KCNJ3: variants seen among roughly 807,000 people sequenced by gnomAD.
KCNJ3 encodes the protein G protein-activated inward rectifier potassium channel 1.
KCNJ3 carries 4 observed loss-of-function variants against 39.2 expected under a neutral mutation model. The observed-to-expected ratio is 0.10, with a 90% CI of 0.05 to 0.23. The LOEUF is 0.23. Among genes scored for constraint, KCNJ3 ranks in the 10% least tolerant of loss-of-function variants. The pLI is 1.00. For missense variants in KCNJ3, 276 were observed against 634.9 expected (o/e 0.43, Z 6.08); for synonymous variants, 230 against 237.4 (o/e 0.97, Z 0.29).
In KCNJ3 at chr2:154,840,163, A is replaced by T. The variant is rs576531799; in HGVS notation, c.920-14564A>T. ...TTCAGCTTTCTACATATGGCTAGCC[A>T]GTTTTCCCAGCACCATTTATTAAAT... On this transcript the variant is annotated intron_variant, in intron 2 of 2. Transcript: ENST00000295101. Among the ~76,000 whole-genome samples, 5 of 152,322 alleles carry T rather than the reference A, an allele frequency of 3.3e-5. No individual in the cohort carries two copies. The South Asian group carries it at 1.0e-3, about 32-fold the overall frequency.
chr2:154,732,358 T>C (rs1685461073), intron 2 of KCNJ3, among the ~76,000 whole-genome samples: 1 of 152,158 alleles, frequency 6.6e-6, no homozygotes, highest in South Asian at 2.1e-4. Flanking sequence ...TTATTTACTT[T>C]ACTTCATGAC....
intron 2 of KCNJ3, among the ~76,000 whole-genome samples, chr2:154,762,678 A>G (rs1686065146): frequency 7.5e-6 from 1 of 132,896 alleles, no homozygotes; most frequent in Admixed American, 7.4e-5. Context: ...TAATTCTCAA[A>G]TTATATACAA....
intron 2 of KCNJ3, among the ~76,000 whole-genome samples, chr2:154,737,209 A>T (rs1248281369): frequency 6.6e-6 from 1 of 152,180 alleles, no homozygotes; most frequent in African/African-American, 2.4e-5. Flanking sequence ...TAATTTTGGG[A>T]CGTTGTGTAG....
At chr2:154,812,152 C>T (rs1339342036) in intron 2 of KCNJ3, among the ~76,000 whole-genome samples, 2 of 152,060 alleles carry the variant, frequency 1.3e-5, no homozygotes, top group Non-Finnish European at 2.9e-5. Context: ...TTATGTATTC[C>T]TTTGATAAAT....
chr2:154,732,496 G>C (rs186383977), intron 2 of KCNJ3, among the ~76,000 whole-genome samples: 9 of 152,116 alleles, frequency 5.9e-5, no homozygotes, highest in Admixed American at 2.0e-4. Flanking sequence ...GACTCAAAAG[G>C]CTTGTGACTT....
At chr2:154,824,100 C>T (rs766863896) in intron 2 of KCNJ3, among the ~76,000 whole-genome samples, 4 of 151,996 alleles carry the variant, frequency 2.6e-5, no homozygotes, top group Non-Finnish European at 4.4e-5. Context: ...TTTGGAAGGC[C>T]GAGGTGGATG....
intron 2 of KCNJ3, among the ~76,000 whole-genome samples, chr2:154,750,673 G>A (rs16838085): frequency 0.025 from 3,869 of 151,798 alleles, 68 homozygotes; most frequent in Non-Finnish European, 0.037. Flanking sequence ...TTTTTTCACC[G>A]TCCAGAACTA....
At chr2:154,738,842 T>G (rs1685594132) in intron 2 of KCNJ3, among the ~76,000 whole-genome samples, 2 of 151,772 alleles carry the variant, frequency 1.3e-5, no homozygotes, top group South Asian at 4.1e-4. Context: ...AAAATTGAAA[T>G]AATCACCAAA....
chr2:154,760,830 G>A (rs1384754179), intron 2 of KCNJ3, among the ~76,000 whole-genome samples: 14 of 143,374 alleles, frequency 9.8e-5, no homozygotes, highest in African/African-American at 1.6e-4. Flanking sequence ...TCCGCCTCCC[G>A]GGTTCATGCC....
chr2:154,724,274 T>A (rs376704383), intron 2 of KCNJ3, among the ~76,000 whole-genome samples: 1 of 152,082 alleles, frequency 6.6e-6, no homozygotes, highest in East Asian at 1.9e-4. Context: ...TGTGTGTGCA[T>A]CCTGGCTTCT....
intron 2 of KCNJ3, among the ~76,000 whole-genome samples, chr2:154,834,107 A>T (rs2105122328): frequency 6.6e-6 from 1 of 152,338 alleles, no homozygotes; most frequent in South Asian, 2.1e-4. Context: ...GTTTTGTAAT[A>T]AACTGGCAAA....
chr2:154,850,366 A>G (rs1687738091), intron 2 of KCNJ3, among the ~76,000 whole-genome samples: 1 of 152,180 alleles, frequency 6.6e-6, no homozygotes, highest in African/African-American at 2.4e-5. Flanking sequence ...GAAGAATGAT[A>G]TGGTACATGC....
chr2:154,712,983 G>A (rs1020103333), intron 2 of KCNJ3, among the ~76,000 whole-genome samples: 7 of 151,846 alleles, frequency 4.6e-5, no homozygotes, highest in African/African-American at 1.7e-4. Flanking sequence ...CCTGAGCTGG[G>A]AATGAGCTTG....
intron 2 of KCNJ3, among the ~76,000 whole-genome samples, chr2:154,843,283 GC>G (rs1687608513): frequency 6.6e-6 from 1 of 152,158 alleles, no homozygotes; most frequent in Non-Finnish European, 1.5e-5. Context: ...CTTCTGGCTT[GC>G]TTGGTTTTTG....
chr2:154,717,412 G>C (rs992998558), intron 2 of KCNJ3, among the ~76,000 whole-genome samples: 2 of 152,252 alleles, frequency 1.3e-5, no homozygotes, highest in South Asian at 2.1e-4. Context: ...GAGGATGTGC[G>C]GCTGAGACTG....
At chr2:154,837,734 GTGTC>G (rs2105126327) in intron 2 of KCNJ3, among the ~76,000 whole-genome samples, 1 of 152,274 alleles carries the variant, frequency 6.6e-6, no homozygotes, top group East Asian at 1.9e-4. Flanking sequence ...AATCTGAAAT[GTGTC>G]TGTAACTGCA....
intron 2 of KCNJ3, among the ~76,000 whole-genome samples, chr2:154,780,660 G>GC (rs1686424244): frequency 6.6e-6 from 1 of 152,042 alleles, no homozygotes; most frequent in Non-Finnish European, 1.5e-5. Context: ...TGAGATATGG[G>GC]CTACAGGGTA....
At chr2:154,768,794 C>T (rs551828863) in intron 2 of KCNJ3, among the ~76,000 whole-genome samples, 3 of 152,122 alleles carry the variant, frequency 2.0e-5, no homozygotes, top group South Asian at 4.2e-4. Context: ...GCCATTTTCA[C>T]GATATTGATT....
chr2:154,843,521 C>G (rs1687614701), intron 2 of KCNJ3, among the ~76,000 whole-genome samples: 1 of 152,166 alleles, frequency 6.6e-6, no homozygotes, highest in African/African-American at 2.4e-5. Flanking sequence ...GTATAATATC[C>G]TGAAGAATGT....
Sources: allele counts gnomAD v4.1 joint callset (sites outside exome capture counted in the v4.1 genomes callset), GRCh38; gene constraint gnomAD v4.1.1; transcripts MANE v1.5; gene names NCBI Gene and HGNC (gene_info 2026-07-23, HGNC 2026-07-21).